Variants in SLC45A1 observed in about 807,000 individuals in gnomAD.
The protein encoded by SLC45A1 is proton-associated sugar transporter A.
Under a neutral mutation model 57.6 loss-of-function variants are expected in SLC45A1, and 28 were observed. The ratio of observed to expected loss-of-function variants is 0.49; its 90% CI spans 0.36 to 0.67. The LOEUF (loss-of-function observed/expected upper bound fraction) is 0.67. SLC45A1 is among the 30% of genes least tolerant of loss of function. The pLI is 0.00. For missense variants in SLC45A1, 814 were observed against 1,041.5 expected, an observed-to-expected ratio of 0.78 and a Z score of 3.01; for synonymous variants, 459 against 471.5, an observed-to-expected ratio of 0.97 and a Z score of 0.34.
rs749433813 is a variant in SLC45A1 at position 8,343,498 on chromosome 1, C to T, written c.1981-249C>T. Among the ~76,000 whole-genome samples the T allele has an allele frequency of 7.2e-5, 11 of 151,932 alleles. No homozygotes were observed. Among genetic ancestry groups the T allele is most frequent in the Non-Finnish European group, 1.3e-4 (9 of 68,016 alleles). On this transcript the variant is annotated intron_variant, in intron 8 of 8. Coordinates refer to ENST00000471889, the MANE Select transcript of SLC45A1 (RefSeq NM_001080397.3). This position sits in a 1 kb window ranked among gnomAD's most constrained non-coding sequence, Gnocchi z 7.7. Reference sequence around the variant, plus strand: ...AGTGCTGAGCGGGGAAAGTGTCTCCCGCCACCTCGGCCCGTGGGAGCTCAG... The same window carrying T: ...AGTGCTGAGCGGGGAAAGTGTCTCCTGCCACCTCGGCCCGTGGGAGCTCAG...
chr1:8,340,480 G>A (rs1045980290), intron 8 of SLC45A1, among the ~76,000 whole-genome samples: 1 of 152,114 alleles, frequency 6.6e-6, no homozygotes, highest in Non-Finnish European at 1.5e-5. Flanking sequence ...TAAATAAAGA[G>A]AGGATCAGTT....
intron 7 of SLC45A1, among the ~76,000 whole-genome samples, chr1:8,338,387 G>T (rs1640691719): frequency 6.6e-6 from 1 of 152,240 alleles, no homozygotes; most frequent in Non-Finnish European, 1.5e-5. Flanking sequence ...GGGGGCAGGG[G>T]TGTGTGGTCG....
chr1:8,339,546 G>A lies in SLC45A1; in HGVS notation c.1828G>A (p.Ala610Thr), dbSNP rs762511028. 4 of 1,614,210 alleles carry A rather than the reference G, an allele frequency of 2.5e-6. No homozygotes were observed. Among genetic ancestry groups the A allele is most frequent in the Non-Finnish European group, 2.5e-6 (3 of 1,180,038 alleles). The change falls in exon 8 of 9, where the codon GCC becomes ACC. Residue 610 changes from alanine (A) to threonine (T), a missense_variant. By Grantham distance (58) the Ala-to-Thr change is moderately conservative (BLOSUM62 0). Coordinates refer to ENST00000471889, the MANE Select transcript of SLC45A1 (RefSeq NM_001080397.3). ...CAGCGTCCGCACCCTCTACTTCATCGCCTATCTCGCCTTCGGCCTGGGGAC... is the reference window on the plus strand; with the variant it reads ...CAGCGTCCGCACCCTCTACTTCATCACCTATCTCGCCTTCGGCCTGGGGAC... ...FLSVRTLYFI[A>T]YLAFGLGTGL... is the part of the protein sequence containing the mutation.
intron 1 of SLC45A1, among the ~76,000 whole-genome samples, chr1:8,322,233 G>A (rs199856973): frequency 4.9e-5 from 1 of 20,362 alleles, no homozygotes; most frequent in Non-Finnish European, 8.7e-5. Context: ...ATGGATGGGT[G>A]GGTGGGTGGA....
At position 8,335,488 on chromosome 1, in the gene SLC45A1, T is replaced by G. The variant is rs1265137328; in HGVS notation, c.1495T>G (p.Ser499Ala). The G allele has an allele frequency of 6.2e-7, 1 of 1,601,924 alleles. No homozygotes were observed. The highest frequency in any genetic ancestry group is 1.1e-5 in the South Asian group (1 of 90,988). The change falls in exon 6 of 9, where the codon TCC becomes GCC. Residue 499 changes from serine to alanine, a missense_variant. Coordinates refer to ENST00000471889, the MANE Select transcript of SLC45A1 (RefSeq NM_001080397.3). This position sits in a 1 kb window ranked among gnomAD's most constrained non-coding sequence, Gnocchi z 4.1. ...GAAGTATGAGAGCGAGCTGACGGGCTCCAGCGAGCGCGCGGAGCAGCCTCT... is the reference window on the plus strand; with the variant it reads ...GAAGTATGAGAGCGAGCTGACGGGCGCCAGCGAGCGCGCGGAGCAGCCTCT... ...GVKYESELTG[S>A]SERAEQPLSV...
intron 6 of SLC45A1, among the ~76,000 whole-genome samples, chr1:8,336,409 CAA>C (rs1208792018): frequency 2.7e-4 from 25 of 92,720 alleles, no homozygotes; most frequent in Admixed American, 7.1e-4. Flanking sequence ...GACTCCATCT[CAA>C]AAAAAAAAAA....
intron 1 of SLC45A1, among the ~76,000 whole-genome samples, chr1:8,319,377 A>C (rs535945841): frequency 1.7e-4 from 26 of 152,316 alleles, no homozygotes; most frequent in Admixed American, 9.8e-4. Flanking sequence ...AGAAATGAGG[A>C]AATGGTTTCC....
chr1:8,318,171 C>A lies in SLC45A1; in HGVS notation c.-40C>A. 2.3e-6 allele frequency: 1 copy of A among 444,152 alleles called. No individual in the cohort carries two copies. Among genetic ancestry groups the A allele is most frequent in the Non-Finnish European group, 4.1e-6 (1 of 242,312 alleles). 27.5% of individuals were successfully genotyped at this position (444,152 alleles called of 1,614,324 possible). On this transcript the variant is annotated 5_prime_UTR_variant, in exon 1 of 9. Coordinates refer to ENST00000471889, the MANE Select transcript of SLC45A1 (RefSeq NM_001080397.3). ...AGCCCAGCGGGGACAGGGATGCCTG[C>A]CGTCTCCACCCACAGGTACCACCGT...
At position 8,343,990 on chromosome 1, in the gene SLC45A1, C is replaced by T. The variant is rs766999940; in HGVS notation, c.2224C>T (p.Arg742Trp). ...PPSDAADEEHRPLLLNV is the reference protein window; with the variant it reads ...PPSDAADEEHWPLLLNV The stretch of plus-strand genomic sequence containing the variant: ...CAGCGACGCTGCAGACGAGGAGCAC[C>T]GGCCCCTCCTGCTGAACGTCTGACA... The change falls in exon 9 of 9, where the codon CGG (arginine) becomes TGG (tryptophan). Residue 742 changes from arginine (R) to tryptophan (W), a missense_variant. Coordinates refer to ENST00000471889, the MANE Select transcript of SLC45A1 (RefSeq NM_001080397.3). The surrounding 1 kb of genome is among the most constrained non-coding windows in gnomAD (Gnocchi z 7.7). The T allele has an allele frequency of 4.3e-5, 70 of 1,610,480 alleles. No homozygotes were observed. The highest frequency in any genetic ancestry group is 4.0e-4 in the South Asian group (36 of 90,806).
At chr1:8,331,347 CTT>C (rs1640403127) in intron 5 of SLC45A1, among the ~76,000 whole-genome samples, 2 of 78,590 alleles carry the variant, frequency 2.5e-5, no homozygotes, top group South Asian at 5.3e-4. Context: ...TTAAAAAACA[CTT>C]TTAAAAAATA....
chr1:8,339,778 C>A, intron 8 of SLC45A1, 80 bp downstream of exon 8: 1 of 1,298,606 alleles, frequency 7.7e-7, no homozygotes, highest in Non-Finnish European at 1.1e-6. Flanking sequence ...GGACCAGCTG[C>A]ACAATCTGCA....
chr1:8,325,143 G>A lies in SLC45A1; in HGVS notation c.398-155G>A, dbSNP rs144226187. On this transcript the variant is annotated intron_variant, in intron 2 of 8. Coordinates refer to ENST00000471889, the MANE Select transcript of SLC45A1 (RefSeq NM_001080397.3). This position sits in a 1 kb window ranked among gnomAD's most constrained non-coding sequence, Gnocchi z 6.3. ...CAGAGTCTGCTGAGCTTTGGTTTCC[G>A]AGTTCAGGGTTTTGTCACTGACTGT... 3.0e-4 allele frequency among the ~76,000 whole-genome samples: 45 copies of A among 152,270 alleles called. 1 individual carries two copies. Among genetic ancestry groups the A allele is most frequent in the Admixed American group, 1.7e-3 (26 of 15,302 alleles).
chr1:8,321,648 A>G (rs1483549719), intron 1 of SLC45A1, among the ~76,000 whole-genome samples: 1 of 152,070 alleles, frequency 6.6e-6, no homozygotes, highest in East Asian at 1.9e-4. Context: ...TGGGTAGGTG[A>G]GTGGGTGGAT....
At position 8,335,574 on chromosome 1, in the gene SLC45A1, C is replaced by T. The variant is rs374405899; in HGVS notation, c.1581C>T (p.Cys527=). ...TGCCCAAGGCGCTACGCACCCTCTGCGTCAACCACTTCCTGGGTGAGCTCC... is the reference window on the plus strand; with the variant it reads ...TGCCCAAGGCGCTACGCACCCTCTGTGTCAACCACTTCCTGGGTGAGCTCC... ...CNMPKALRTL[C]VNHFLGWLSF... Residue 527 remains cysteine (C), a synonymous_variant, in exon 6 of 9, where the codon TGC becomes TGT. Transcript: ENST00000471889. The surrounding 1 kb of genome is among the most constrained non-coding windows in gnomAD (Gnocchi z 4.1). The T allele has an allele frequency of 8.7e-6, 14 of 1,603,688 alleles. No individual in the cohort carries two copies. The African/African-American group carries it at 9.4e-5, about 11-fold the overall frequency.
rs1032573538 is a variant in SLC45A1 at position 8,343,642 on chromosome 1, G to C, written c.1981-105G>C. 7.7e-7 allele frequency: 1 copy of C among 1,295,170 alleles called. No homozygotes were observed. Among genetic ancestry groups the C allele is most frequent in the African/African-American group, 1.5e-5 (1 of 68,060 alleles). 80.2% of individuals were successfully genotyped at this position (1,295,170 alleles called of 1,614,324 possible). On this transcript the variant is annotated intron_variant, in intron 8 of 8. Transcript: ENST00000471889. This position sits in a 1 kb window ranked among gnomAD's most constrained non-coding sequence, Gnocchi z 7.7. ...TGGCGCTGAAAAATGTGAGGCCGCT[G>C]TGTGTGGGCCGCTCGGGCCTCCTGG... is the stretch of plus-strand genomic sequence containing the variant.
chr1:8,332,772 A>C (rs1640455862), intron 5 of SLC45A1, among the ~76,000 whole-genome samples: 1 of 152,232 alleles, frequency 6.6e-6, no homozygotes, highest in African/African-American at 2.4e-5. Context: ...TGGCCTCCCA[A>C]AGTGCTGGGA....
At chr1:8,320,126 A>G (rs952915925) in intron 1 of SLC45A1, among the ~76,000 whole-genome samples, 1 of 152,174 alleles carries the variant, frequency 6.6e-6, no homozygotes. Flanking sequence ...TTGAAGATGA[A>G]TCCTTAGTAA....
chr1:8,343,717 C>G lies in SLC45A1; in HGVS notation c.1981-30C>G, dbSNP rs374953796. The G allele has an allele frequency of 1.3e-6, 2 of 1,591,204 alleles. No homozygotes were observed. The highest frequency in any genetic ancestry group is 2.7e-5 in the African/African-American group (2 of 74,692). ...TCACCCCGTGCTGGCCGCGGCGTGT[C>G]TCGCTGACACGTTTCTTCCTCTGGG... On this transcript the variant is annotated intron_variant, in intron 8 of 8. Coordinates refer to ENST00000471889, the MANE Select transcript of SLC45A1 (RefSeq NM_001080397.3). This position sits in a 1 kb window ranked among gnomAD's most constrained non-coding sequence, Gnocchi z 7.7.
rs371146586 is a variant in SLC45A1, at chr1:8,324,558, G to T, written c.229G>T (p.Asp77Tyr). 5.0e-5 allele frequency: 80 copies of T among 1,612,468 alleles called. No individual in the cohort carries two copies. The highest frequency in any genetic ancestry group is 6.7e-5 in the Non-Finnish European group (79 of 1,179,738). The change falls in exon 2 of 9, where the codon GAC becomes TAC. Residue 77 changes from aspartate to tyrosine, a missense_variant. Asp to Tyr is a radical substitution (Grantham distance 160). Transcript: ENST00000471889. ...PCPLELVDFG[D>Y]LHPQRSFREL... is the part of the protein sequence containing the mutation. Reference sequence around the variant, plus strand: ...CCCGCTTGAGCTGGTGGACTTCGGGGACCTGCACCCCCAGAGGTCCTTCCG... The same window carrying T: ...CCCGCTTGAGCTGGTGGACTTCGGGTACCTGCACCCCCAGAGGTCCTTCCG...
Sources: gnomAD v4.1 joint callset for allele counts (sites outside exome capture counted in the v4.1 genomes callset) on GRCh38, gnomAD v4.1.1 for gene constraint, Gnocchi (gnomAD v3.1) non-coding constraint, MANE v1.5 for transcripts, NCBI Gene and HGNC (gene_info 2026-07-23, HGNC 2026-07-21) for gene names.